Variants in DSCAM observed in about 807,000 individuals in gnomAD.
The protein encoded by DSCAM is DS cell adhesion molecule.
In DSCAM, 47 loss-of-function variants were observed where a neutral mutation model predicts 217.7. The observed-to-expected ratio is 0.22, with a 90% CI of 0.17 to 0.28. The LOEUF is 0.28. DSCAM is among the 10% of genes least tolerant of loss of function. DSCAM has a pLI of 1.00. For synonymous variants in DSCAM, 1,056 were observed against 1,015.3 expected, an observed-to-expected ratio of 1.04 and a Z score of -0.76; for missense variants, 2,080 against 2,618.3, an observed-to-expected ratio of 0.79 and a Z score of 4.49.
intron 8 of DSCAM, among the ~76,000 whole-genome samples, chr21:40,322,529 T>C (rs1008308515): frequency 2.0e-5 from 3 of 152,232 alleles, no homozygotes; most frequent in Admixed American, 2.0e-4. Flanking sequence ...CAATTTTTTT[T>C]TTTTTGGAGA....
At chr21:40,072,182 T>A (rs1044458772) in intron 27 of DSCAM, among the ~76,000 whole-genome samples, 4 of 152,114 alleles carry the variant, frequency 2.6e-5, no homozygotes, top group Admixed American at 6.5e-5. Flanking sequence ...AACCAGCAAA[T>A]GTTACCACTA....
chr21:40,655,821 A>C (rs1436951367), intron 3 of DSCAM, among the ~76,000 whole-genome samples: 1 of 152,124 alleles, frequency 6.6e-6, no homozygotes, highest in African/African-American at 2.4e-5. Flanking sequence ...TGGGAGGCCA[A>C]GGTGAGGGGA....
chr21:40,078,312 G>T (rs968564640), intron 26 of DSCAM, among the ~76,000 whole-genome samples: 2 of 151,556 alleles, frequency 1.3e-5, no homozygotes, highest in African/African-American at 4.9e-5. Flanking sequence ...AAAGAAAGTT[G>T]TTATGTGGAT....
chr21:40,049,752 G>A lies in DSCAM; in HGVS notation c.5185+2206C>T, dbSNP rs367584741. On this transcript the variant is annotated intron_variant, in intron 30 of 32. Coordinates refer to ENST00000400454, the MANE Select transcript of DSCAM (RefSeq NM_001389.5). ...ATACACACACGTCCCTCCCATGTGC[G>A]TCCTGCCTGGCACTCGCTGACCACT... Among the ~76,000 whole-genome samples, 8 of 152,216 alleles carry A rather than the reference G, an allele frequency of 5.3e-5. No individual in the cohort carries two copies. The South Asian group carries it at 1.2e-3, about 24-fold the overall frequency.
chr21:40,276,489 T>C (rs910304484), intron 10 of DSCAM, among the ~76,000 whole-genome samples: 3 of 152,216 alleles, frequency 2.0e-5, no homozygotes, highest in African/African-American at 7.2e-5. Context: ...GACTCTGAGA[T>C]AAAAACTAAC....
At chr21:40,745,577 G>A (rs183663509) in intron 1 of DSCAM, among the ~76,000 whole-genome samples, 93 of 152,230 alleles carry the variant, frequency 6.1e-4, no homozygotes, top group Middle Eastern at 3.4e-3. Flanking sequence ...CAAACACAAT[G>A]GAGAGATAAA....
intron 1 of DSCAM, among the ~76,000 whole-genome samples, chr21:40,803,953 A>T (rs528772788): frequency 2.0e-3 from 300 of 152,080 alleles, no homozygotes; most frequent in Middle Eastern, 0.01. Context: ...TCCTTCTCTA[A>T]CCTACTCAAG....
At chr21:40,201,692 C>T (rs533588776) in intron 11 of DSCAM, among the ~76,000 whole-genome samples, 11 of 152,246 alleles carry the variant, frequency 7.2e-5, no homozygotes, top group Admixed American at 2.0e-4. Context: ...CCGCCTGCTT[C>T]GGCCTCCCAA....
rs531661967 is a variant in DSCAM, at chr21:40,431,487, C to T, written c.509-62242G>A. The stretch of plus-strand genomic sequence containing the variant: ...CTCCTCAGCCTACTCAATGTGAAGA[C>T]GATGAAGACGGAGACCTTTATGACT... On this transcript the variant is annotated intron_variant, in intron 3 of 32. Coordinates refer to ENST00000400454, the MANE Select transcript of DSCAM (RefSeq NM_001389.5). Among the ~76,000 whole-genome samples, 6 of 151,850 alleles carry T rather than the reference C, an allele frequency of 4.0e-5. No homozygotes were observed. The South Asian group carries it at 6.3e-4, about 16-fold the overall frequency.
At chr21:40,313,959 G>C (rs2074168708) in intron 8 of DSCAM, among the ~76,000 whole-genome samples, 1 of 152,100 alleles carries the variant, frequency 6.6e-6, no homozygotes, top group Admixed American at 6.5e-5. Flanking sequence ...TCAACTATCA[G>C]CTTAAGGAAG....
chr21:40,274,766 T>C (rs1263312382), intron 11 of DSCAM, among the ~76,000 whole-genome samples: 1 of 152,180 alleles, frequency 6.6e-6, no homozygotes, highest in Non-Finnish European at 1.5e-5. Context: ...AACAACCCCA[T>C]TTCATAATTA....
At chr21:40,185,928 G>A (rs570984446) in intron 14 of DSCAM, among the ~76,000 whole-genome samples, 5 of 152,214 alleles carry the variant, frequency 3.3e-5, no homozygotes, top group South Asian at 2.1e-4. Flanking sequence ...AATCAACCCC[G>A]GAAGGCCCTT....
intron 1 of DSCAM, among the ~76,000 whole-genome samples, chr21:40,815,814 C>A (rs982005303): frequency 2.6e-5 from 4 of 152,310 alleles, no homozygotes; most frequent in Admixed American, 2.6e-4. Flanking sequence ...ATGTTCTCAA[C>A]CTTTCTGTGA....
chr21:40,298,502 G>A (rs765747157), intron 9 of DSCAM, among the ~76,000 whole-genome samples: 17 of 152,018 alleles, frequency 1.1e-4, no homozygotes, highest in Admixed American at 2.6e-4. Flanking sequence ...GATGGTATTC[G>A]GAGACAAAAT....
intron 3 of DSCAM, among the ~76,000 whole-genome samples, chr21:40,583,773 G>C (rs1003450912): frequency 2.0e-5 from 3 of 152,052 alleles, no homozygotes; most frequent in African/African-American, 4.8e-5. Context: ...GATAACAAAT[G>C]TACCACTCTT....
At chr21:40,818,547 CAAAAAAAAAAAA>C (rs60730859) in intron 1 of DSCAM, among the ~76,000 whole-genome samples, 69 of 41,852 alleles carry the variant, frequency 1.6e-3, no homozygotes, top group African/African-American at 3.2e-3. Flanking sequence ...CTCCGTCTCA[CAAAAAAAAAAAA>C]AAAAAAAAAA....
chr21:40,769,259 A>G (rs2091423829), intron 1 of DSCAM, among the ~76,000 whole-genome samples: 1 of 152,236 alleles, frequency 6.6e-6, no homozygotes, highest in Admixed American at 6.5e-5. Context: ...GTCCTGAGCC[A>G]AGTATTCTAG....
At chr21:40,211,670 A>G (rs983698976) in intron 11 of DSCAM, among the ~76,000 whole-genome samples, 2 of 152,196 alleles carry the variant, frequency 1.3e-5, no homozygotes, top group African/African-American at 4.8e-5. Context: ...AAAGGCAGTG[A>G]CTTGTCCTTG....
intron 3 of DSCAM, among the ~76,000 whole-genome samples, chr21:40,428,907 G>T (rs2075502902): frequency 6.6e-6 from 1 of 152,032 alleles, no homozygotes; most frequent in African/African-American, 2.4e-5. Flanking sequence ...AATGAAAGTT[G>T]CATTAGTGTA....
Sources: gnomAD v4.1 joint callset for allele counts (sites outside exome capture counted in the v4.1 genomes callset) on GRCh38, gnomAD v4.1.1 for gene constraint, MANE v1.5 for transcripts, NCBI Gene and HGNC (gene_info 2026-07-23, HGNC 2026-07-21) for gene names.